SLC39A5: variants seen among roughly 807,000 people sequenced by gnomAD.
SLC39A5 encodes the protein zinc transporter ZIP5.
In SLC39A5, 42 loss-of-function variants were observed where a neutral mutation model predicts 46.9. The ratio of observed to expected loss-of-function variants is 0.90; its 90% CI spans 0.70 to 1.16. The LOEUF (loss-of-function observed/expected upper bound fraction) is 1.16. SLC39A5 is among the 50% of genes most tolerant of loss of function. The pLI is 0.00. For synonymous variants in SLC39A5, 311 were observed against 323.1 expected, an observed-to-expected ratio of 0.96 and a Z score of 0.40; for missense variants, 677 against 686.8, an observed-to-expected ratio of 0.99 and a Z score of 0.16.
intron 5 of SLC39A5, 113 bp downstream of exon 5, chr12:56,232,985 A>G: frequency 8.9e-7 from 1 of 1,119,084 alleles, no homozygotes; most frequent in Non-Finnish European, 1.2e-6. Flanking sequence ...ACGTGGACCA[A>G]GCGTGGTGGC....
chr12:56,234,967 C>T lies in SLC39A5; in HGVS notation c.615C>T (p.Pro205=), dbSNP rs766715371. 1 of 1,613,464 alleles carries T rather than the reference C, an allele frequency of 6.2e-7. No individual in the cohort carries two copies. The highest frequency in any genetic ancestry group is 1.3e-5 in the African/African-American group (1 of 75,062). The change falls in exon 6 of 13, where the codon CCC becomes CCT. Residue 205 remains proline (P), a synonymous_variant. Transcript: ENST00000454355. ...GCATCGGCGCTCCGGCCCCTGCACC[C>T]CCAGGGGATCTACTATCTGGTCAGC... is the stretch of plus-strand genomic sequence containing the variant. ...RVCIGAPAPA[P]PGDLLSALLQ... is the part of the protein sequence containing the mutation.
At position 56,235,176 on chromosome 12, in the gene SLC39A5, G is replaced by T; in HGVS notation, c.654G>T (p.Leu218=). 1 of 1,552,748 alleles carries T rather than the reference G, an allele frequency of 6.4e-7. No individual in the cohort carries two copies. Among genetic ancestry groups the T allele is most frequent in the Non-Finnish European group, 8.7e-7 (1 of 1,150,802 alleles). ...DLLSALLQSA[L]AVLLLSLPSP... is the part of the protein sequence containing the mutation. Reference sequence around the variant, plus strand: ...CCCCAGCCCTGCTTCAGAGTGCCCTGGCAGTCCTGTTGCTCAGCCTCCCTT... The same window carrying T: ...CCCCAGCCCTGCTTCAGAGTGCCCTTGCAGTCCTGTTGCTCAGCCTCCCTT... The change falls in exon 7 of 13, where the codon CTG becomes CTT. Residue 218 remains leucine, a synonymous_variant. Transcript: ENST00000454355.
At chr12:56,231,824 G>A (rs918593975) in intron 4 of SLC39A5, among the ~76,000 whole-genome samples, 4 of 152,046 alleles carry the variant, frequency 2.6e-5, no homozygotes, top group Non-Finnish European at 5.9e-5. Flanking sequence ...TTCCCAGGCT[G>A]AAGCCATCCT....
Position 56,235,132 on chromosome 12 carries a change from A to G in SLC39A5, c.635-25A>G, listed in dbSNP as rs748785248. Reference sequence around the variant, plus strand: ...TGGGACCCTCCTCTTGCCCTGACCTAACTTCAGCCCCTGATTCTCCCCAGC... The same window carrying G: ...TGGGACCCTCCTCTTGCCCTGACCTGACTTCAGCCCCTGATTCTCCCCAGC... On this transcript the variant is annotated intron_variant, in intron 6 of 12. Transcript: ENST00000454355. 15 of 1,544,082 alleles carry G rather than the reference A, an allele frequency of 9.7e-6. No homozygotes were observed. The African/African-American group carries it at 2.1e-4, about 21-fold the overall frequency.
intron 5 of SLC39A5, 104 bp downstream of exon 5, chr12:56,232,976 C>T (rs976351273): frequency 2.3e-5 from 28 of 1,228,330 alleles, no homozygotes; most frequent in Middle Eastern, 2.1e-4. Flanking sequence ...TAAATCCCAA[C>T]GTGGACCAAG....
rs553188065 is a variant in SLC39A5, at chr12:56,231,407, G to A, written c.133G>A (p.Gly45Ser). 6.2e-7 allele frequency: 1 copy of A among 1,614,152 alleles called. No individual in the cohort carries two copies. The highest frequency in any genetic ancestry group is 2.2e-5 in the East Asian group (1 of 44,876). The change falls in exon 4 of 13, where the codon GGC (glycine) becomes AGC (serine). Residue 45 changes from glycine to serine, a missense_variant. Coordinates refer to ENST00000454355, the MANE Select transcript of SLC39A5 (RefSeq NM_173596.3). ...EQNHYLAQLF[G>S]LYGENGTLTA... is the part of the protein sequence containing the mutation. ...GAACCATTACCTGGCCCAGCTGTTT[G>A]GCCTGTACGGCGAGAATGGGACGCT...
At position 56,231,366 on chromosome 12, in the gene SLC39A5, C is replaced by A. The variant is rs1167082508; in HGVS notation, c.92C>A (p.Pro31His). Residue 31 changes from proline (P) to histidine (H), a missense_variant, in exon 4 of 13, where the codon CCT (proline) becomes CAT (histidine). By Grantham distance (77) the Pro-to-His change is moderately conservative (BLOSUM62 -2). Transcript: ENST00000454355. Reference sequence around the variant, plus strand: ...GGGGGCTCAGTCCCCAACCTGGGCCCTGCTGAGCAGGAGCAGAACCATTAC... The same window carrying A: ...GGGGGCTCAGTCCCCAACCTGGGCCATGCTGAGCAGGAGCAGAACCATTAC... ...WVGGSVPNLGPAEQEQNHYLA... is the reference protein window; with the variant it reads ...WVGGSVPNLGHAEQEQNHYLA... The A allele has an allele frequency of 1.2e-6, 2 of 1,613,940 alleles. No homozygotes were observed. The highest frequency in any genetic ancestry group is 2.7e-5 in the African/African-American group (2 of 74,936).
At chr12:56,237,560 G>A in intron 12 of SLC39A5, 28 bp from the exon 13 acceptor site, 1 of 1,613,558 alleles carries the variant, frequency 6.2e-7, no homozygotes, top group Non-Finnish European at 8.5e-7. Context: ...GGCAAGGCCA[G>A]AATCCTGACA....
At position 56,235,665 on chromosome 12, in the gene SLC39A5, A is replaced by C. The variant is rs1229976329; in HGVS notation, c.910A>C (p.Met304Leu). The change falls in exon 8 of 13, where the codon ATG (methionine) becomes CTG (leucine). Residue 304 changes from methionine to leucine, a missense_variant. By Grantham distance (15) the Met-to-Leu change is conservative (BLOSUM62 2). Coordinates refer to ENST00000454355, the MANE Select transcript of SLC39A5 (RefSeq NM_173596.3). ...GLFLLFVLEN[M>L]LGLLRHRGLR... Reference sequence around the variant, plus strand: ...CTTCCTGCTCTTTGTGCTGGAGAACATGCTGGGGCTTTTGCGGCACCGAGG... The same window carrying C: ...CTTCCTGCTCTTTGTGCTGGAGAACCTGCTGGGGCTTTTGCGGCACCGAGG... The C allele has an allele frequency of 1.2e-6, 2 of 1,614,052 alleles. No homozygotes were observed. The highest frequency in any genetic ancestry group is 1.7e-6 in the Non-Finnish European group (2 of 1,179,994).
Position 56,231,357 on chromosome 12 carries a change from A to T in SLC39A5, c.83A>T (p.Asn28Ile), listed in dbSNP as rs1365119828. 1.2e-6 allele frequency: 2 copies of T among 1,613,878 alleles called. No individual in the cohort carries two copies. The highest frequency in any genetic ancestry group is 2.2e-5 in the South Asian group (2 of 91,068). The change falls in exon 4 of 13, where the codon AAC becomes ATC. Residue 28 changes from asparagine to isoleucine, a missense_variant. Coordinates refer to ENST00000454355, the MANE Select transcript of SLC39A5 (RefSeq NM_173596.3). ...VLGWVGGSVPNLGPAEQEQNH... is the reference protein window; with the variant it reads ...VLGWVGGSVPILGPAEQEQNH... ...GGCTGGGTAGGGGGCTCAGTCCCCAACCTGGGCCCTGCTGAGCAGGAGCAG... is the reference window on the plus strand; with the variant it reads ...GGCTGGGTAGGGGGCTCAGTCCCCATCCTGGGCCCTGCTGAGCAGGAGCAG...
chr12:56,234,787 C>T lies in SLC39A5; in HGVS notation c.472-37C>T, dbSNP rs753312659. On this transcript the variant is annotated intron_variant, in intron 5 of 12. Transcript: ENST00000454355. ...GTGTTAAAGATCTGAGTCATAGTTC[C>T]TGGTGATTCTCCAATGTATGACCCT... 4.0e-5 allele frequency: 64 copies of T among 1,610,816 alleles called. No homozygotes were observed. The Admixed American group carries it at 1.1e-3, about 26-fold the overall frequency.
rs79264159 is a variant in SLC39A5 at position 56,233,622 on chromosome 12, G to A, written c.471+750G>A. ...TAGATGGCAAAGCAGAGAATCTAGA[G>A]AAGCAGCCCAGGGTAGGATCTGGAT... On this transcript the variant is annotated intron_variant, in intron 5 of 12. Transcript: ENST00000454355. Among the ~76,000 whole-genome samples, 158 of 152,302 alleles carry A rather than the reference G, an allele frequency of 1.0e-3. No individual in the cohort carries two copies. In the Middle Eastern group the frequency reaches 0.017, roughly 16 times the overall value.
chr12:56,231,863 CCAT>C (rs1179421322), intron 4 of SLC39A5, among the ~76,000 whole-genome samples: 1 of 151,790 alleles, frequency 6.6e-6, no homozygotes, highest in Non-Finnish European at 1.5e-5. Flanking sequence ...GCAGCTGGGA[CCAT>C]AGGCACACAC....
At position 56,234,929 on chromosome 12, in the gene SLC39A5, G is replaced by C. The variant is rs146312464; in HGVS notation, c.577G>C (p.Asp193His). ...LLCPALLYQIDSRVCIGAPAP... is the reference protein window; with the variant it reads ...LLCPALLYQIHSRVCIGAPAP... ...GTGCCCAGCCCTGCTTTATCAGATC[G>C]ACAGCCGCGTCTGCATCGGCGCTCC... The change falls in exon 6 of 13, where the codon GAC becomes CAC. Residue 193 changes from aspartate to histidine, a missense_variant. Asp to His is a moderately conservative substitution (Grantham distance 81, BLOSUM62 -1). Coordinates refer to ENST00000454355, the MANE Select transcript of SLC39A5 (RefSeq NM_173596.3). 40 of 1,613,404 alleles carry C rather than the reference G, an allele frequency of 2.5e-5. No homozygotes were observed. Among genetic ancestry groups the C allele is most frequent in the Non-Finnish European group, 3.3e-5 (39 of 1,180,002 alleles).
chr12:56,234,911 G>C lies in SLC39A5; in HGVS notation c.559G>C (p.Ala187Pro), dbSNP rs1004846301. The change falls in exon 6 of 13, where the codon GCC becomes CCC. Residue 187 changes from alanine (A) to proline (P), a missense_variant. Transcript: ENST00000454355. ...TPRQFALLCP[A>P]LLYQIDSRVC... Reference sequence around the variant, plus strand: ...TCGTCAGTTTGCTCTGCTGTGCCCAGCCCTGCTTTATCAGATCGACAGCCG... The same window carrying C: ...TCGTCAGTTTGCTCTGCTGTGCCCACCCCTGCTTTATCAGATCGACAGCCG... 1 of 1,613,768 alleles carries C rather than the reference G, an allele frequency of 6.2e-7. No homozygotes were observed. The highest frequency in any genetic ancestry group is 8.5e-7 in the Non-Finnish European group (1 of 1,180,048).
rs751353753 is a variant in SLC39A5 at position 56,234,858 on chromosome 12, G to C, written c.506G>C (p.Gly169Ala). The C allele has an allele frequency of 6.8e-6, 11 of 1,613,594 alleles. No homozygotes were observed. Among genetic ancestry groups the C allele is most frequent in the Admixed American group, 1.7e-5 (1 of 59,992 alleles). The part of the protein sequence containing the change: ...LNGSQLLVNF[G>A]LSPAAPLTPR... ...GGCTCCCAGCTGCTGGTCAATTTTG[G>C]CTTGAGCCCCGCTGCTCCTCTGACC... The change falls in exon 6 of 13, where the codon GGC (glycine) becomes GCC (alanine). Residue 169 changes from glycine (G) to alanine (A), a missense_variant. Transcript: ENST00000454355.
chr12:56,237,740 G>C lies in SLC39A5; in HGVS notation c.*9G>C. On this transcript the variant is annotated 3_prime_UTR_variant, in exon 13 of 13. Coordinates refer to ENST00000454355, the MANE Select transcript of SLC39A5 (RefSeq NM_173596.3). Reference sequence around the variant, plus strand: ...TGACCACTGAGGGCTGATGGGGCCAGTGGAAAGGGGTCGGGTTGCCCTTCC... The same window carrying C: ...TGACCACTGAGGGCTGATGGGGCCACTGGAAAGGGGTCGGGTTGCCCTTCC... 6.5e-7 allele frequency: 1 copy of C among 1,527,214 alleles called. No homozygotes were observed. Among genetic ancestry groups the C allele is most frequent in the Non-Finnish European group, 8.8e-7 (1 of 1,139,422 alleles). The allele number at this position is 1,527,214 out of a possible 1,614,324, so 94.6% of individuals were successfully genotyped here. A position where few individuals can be genotyped will look rare whatever the true frequency, so the allele number is the denominator to read the frequency against.
rs115830715 is a variant in SLC39A5 at position 56,232,872 on chromosome 12, T to C, written c.471T>C (p.Asp157=). The change falls in exon 5 of 13, where the codon GAT becomes GAC. Residue 157 remains aspartate (D), a splice_region_variant and synonymous_variant. Transcript: ENST00000454355. ...CATTGGCTGACCACCTGAATGAGGA[T>C]GTGAGTCTGACGGTCTCTAGAGGGG... ...DHSLADHLNE[D]CLNGSQLLVN... is the part of the protein sequence containing the mutation. The C allele has an allele frequency of 8.9e-4, 1,440 of 1,610,200 alleles. 19 individuals carry two copies. The African/African-American group carries it at 0.018, about 20-fold the overall frequency.
chr12:56,234,991 G>C lies in SLC39A5; in HGVS notation c.634+5G>C. On this transcript the variant is annotated splice_donor_5th_base_variant and intron_variant, in intron 6 of 12. Coordinates refer to ENST00000454355, the MANE Select transcript of SLC39A5 (RefSeq NM_173596.3). The stretch of plus-strand genomic sequence containing the variant: ...CCCCAGGGGATCTACTATCTGGTCA[G>C]CAAGTAGGAGTGGGTGGGGGACACC... The C allele has an allele frequency of 1.2e-6, 2 of 1,612,820 alleles. No homozygotes were observed. The highest frequency in any genetic ancestry group is 1.7e-6 in the Non-Finnish European group (2 of 1,179,982).
Sources: gnomAD v4.1 joint callset for allele counts (sites outside exome capture counted in the v4.1 genomes callset) on GRCh38, gnomAD v4.1.1 for gene constraint, MANE v1.5 for transcripts, NCBI Gene and HGNC (gene_info 2026-07-23, HGNC 2026-07-21) for gene names.